Variants in AGTPBP1 observed in about 807,000 individuals in gnomAD.
AGTPBP1 encodes cytosolic carboxypeptidase 1.
In AGTPBP1, 70 loss-of-function variants were observed where a neutral mutation model predicts 143.9. The ratio of observed to expected loss-of-function variants is 0.49; its 90% CI spans 0.40 to 0.59. AGTPBP1 has a LOEUF of 0.59. Ranked by LOEUF, AGTPBP1 falls within the 20% of genes least tolerant of loss-of-function variation. The pLI, the probability that AGTPBP1 is intolerant of heterozygous loss-of-function variation, is 0.00. For synonymous variants in AGTPBP1, 463 were observed against 500.2 expected, an observed-to-expected ratio of 0.93 and a Z score of 0.99; for missense variants, 1,229 against 1,464.5, an observed-to-expected ratio of 0.84 and a Z score of 2.62.
chr9:85,615,153 A>C (rs1830535851), intron 17 of AGTPBP1, among the ~76,000 whole-genome samples: 1 of 152,160 alleles, frequency 6.6e-6, no homozygotes, highest in Non-Finnish European at 1.5e-5. Context: ...CACAGAAAAT[A>C]CCAAAATAAA....
rs188826131 is a variant in AGTPBP1 at position 85,716,884 on chromosome 9, C to T, written c.-33-4318G>A. Among the ~76,000 whole-genome samples, 210 of 152,318 alleles carry T rather than the reference C, an allele frequency of 1.4e-3. 3 individuals carry two copies. Among genetic ancestry groups the T allele is most frequent in the South Asian group, 3.7e-3 (18 of 4,828 alleles). On this transcript the variant is annotated intron_variant, in intron 1 of 25. Transcript: ENST00000357081. ...CCCCCAGTCCTTACCTCCCTGTCTTCATATCCTACCTACAACTTTTCTCAG... is the reference window on the plus strand; with the variant it reads ...CCCCCAGTCCTTACCTCCCTGTCTTTATATCCTACCTACAACTTTTCTCAG...
intron 2 of AGTPBP1, among the ~76,000 whole-genome samples, chr9:85,697,359 C>T (rs1836313440): frequency 6.8e-6 from 1 of 147,154 alleles, no homozygotes. Flanking sequence ...AATGCAAAAA[C>T]ATTATATGTT....
chr9:85,684,102 C>T (rs1358032107), intron 3 of AGTPBP1, among the ~76,000 whole-genome samples: 4 of 152,176 alleles, frequency 2.6e-5, no homozygotes, highest in Non-Finnish European at 5.9e-5. Flanking sequence ...GCTCCTTTCA[C>T]TTATCTTAGC....
At chr9:85,645,819 T>C (rs1832775328) in intron 12 of AGTPBP1, among the ~76,000 whole-genome samples, 1 of 152,208 alleles carries the variant, frequency 6.6e-6, no homozygotes, top group African/African-American at 2.4e-5. Context: ...CACCTTTACC[T>C]AACATCTTAT....
chr9:85,624,046 A>G (rs2133591004), intron 14 of AGTPBP1, among the ~76,000 whole-genome samples: 1 of 152,338 alleles, frequency 6.6e-6, no homozygotes, highest in South Asian at 2.1e-4. Context: ...CACATGTGAT[A>G]TGTGGCCACC....
rs185603331 is a variant in AGTPBP1 at position 85,679,987 on chromosome 9, G to A, written c.225+1281C>T. Among the ~76,000 whole-genome samples the A allele has an allele frequency of 4.6e-3, 707 of 152,260 alleles. 2 individuals are homozygous for A. The highest frequency in any genetic ancestry group is 0.013 in the Admixed American group (195 of 15,294). On this transcript the variant is annotated intron_variant, in intron 4 of 25. Coordinates refer to ENST00000357081, the MANE Select transcript of AGTPBP1 (RefSeq NM_001330701.2). ...TTTATTTGGGTGTGGAATGCAGGAA[G>A]TCATGATTCAATGTTACCTTTTTCC...
chr9:85,628,237 C>A (rs916900901), intron 14 of AGTPBP1, among the ~76,000 whole-genome samples: 4 of 152,104 alleles, frequency 2.6e-5, no homozygotes, highest in African/African-American at 9.7e-5. Flanking sequence ...AAATATGAAA[C>A]CTTCATCCTC....
chr9:85,777,413 G>C, the AGTPBP1 span, among the ~76,000 whole-genome samples: 1 of 152,174 alleles, frequency 6.6e-6, no homozygotes, highest in Non-Finnish European at 1.5e-5. Context: ...GTTGGTCTCT[G>C]CTGCTGGCAA....
intron 1 of AGTPBP1, among the ~76,000 whole-genome samples, chr9:85,735,300 T>C (rs972588862): frequency 6.6e-6 from 1 of 152,226 alleles, no homozygotes; most frequent in African/African-American, 2.4e-5. Flanking sequence ...TATGATTGAT[T>C]CCACTCATGT....
intron 11 of AGTPBP1, among the ~76,000 whole-genome samples, chr9:85,648,321 T>C (rs945757907): frequency 9.2e-5 from 14 of 152,306 alleles, no homozygotes; most frequent in African/African-American, 2.6e-4. Context: ...AGCAGTTTAG[T>C]CGACCCTAAC....
rs1004665090 is a variant in AGTPBP1 at position 85,678,545 on chromosome 9, C to T, written c.226-147G>A. ...TTCAGGTTTTCACTATTATCATTTC[C>T]GTCTGTTTCCTTCTGCCTTTAAGAA... is the stretch of plus-strand genomic sequence containing the variant. On this transcript the variant is annotated intron_variant, in intron 4 of 25. Coordinates refer to ENST00000357081, the MANE Select transcript of AGTPBP1 (RefSeq NM_001330701.2). 2.3e-5 allele frequency: 10 copies of T among 432,934 alleles called. 1 individual carries two copies. The highest frequency in any genetic ancestry group is 1.2e-4 in the South Asian group (2 of 17,014). The allele number at this position is 432,934 out of a possible 1,614,324, so 26.8% of individuals were successfully genotyped here.
the AGTPBP1 span, among the ~76,000 whole-genome samples, chr9:85,765,831 A>T: frequency 6.6e-6 from 1 of 152,250 alleles, no homozygotes; most frequent in East Asian, 1.9e-4. Flanking sequence ...AGCAAGGATA[A>T]CATTAGATTG....
At chr9:85,684,011 A>G (rs1835347244) in intron 3 of AGTPBP1, among the ~76,000 whole-genome samples, 2 of 151,230 alleles carry the variant, frequency 1.3e-5, no homozygotes, top group Admixed American at 6.6e-5. Flanking sequence ...CTCCTACATC[A>G]GAGTAAAAAT....
intron 17 of AGTPBP1, among the ~76,000 whole-genome samples, chr9:85,597,823 T>C (rs919259091): frequency 6.6e-6 from 1 of 152,142 alleles, no homozygotes; most frequent in Admixed American, 6.5e-5. Context: ...CGTTGAACTA[T>C]CTTTGCATTC....
At chr9:85,737,482 G>T (rs142190634) in intron 1 of AGTPBP1, among the ~76,000 whole-genome samples, 1 of 152,146 alleles carries the variant, frequency 6.6e-6, no homozygotes, top group African/African-American at 2.4e-5. Flanking sequence ...GCAAAAATCC[G>T]AATTCTGGAA....
chr9:85,693,569 G>A (rs979271896), intron 2 of AGTPBP1, among the ~76,000 whole-genome samples: 2 of 152,152 alleles, frequency 1.3e-5, no homozygotes, highest in Non-Finnish European at 2.9e-5. Context: ...TTGCACTCCA[G>A]CCTGGGCGAC....
chr9:85,757,558 G>T, the AGTPBP1 span, among the ~76,000 whole-genome samples: 1 of 152,182 alleles, frequency 6.6e-6, no homozygotes, highest in Non-Finnish European at 1.5e-5. Flanking sequence ...AGAAGATGCT[G>T]CATTGCAAGT....
intron 11 of AGTPBP1, among the ~76,000 whole-genome samples, chr9:85,651,818 T>A: frequency 6.6e-6 from 1 of 152,210 alleles, no homozygotes; most frequent in East Asian, 1.9e-4. Flanking sequence ...GCCAGCTCGA[T>A]TCATTTATTC....
chr9:85,781,395 C>T, the AGTPBP1 span: 8 of 1,490,610 alleles, frequency 5.4e-6, no homozygotes, highest in Admixed American at 2.6e-5. Flanking sequence ...TCACTCTTAA[C>T]ACTGTTTCTC....
Sources: allele counts gnomAD v4.1 joint callset (sites outside exome capture counted in the v4.1 genomes callset), GRCh38; gene constraint gnomAD v4.1.1; transcripts MANE v1.5; gene names NCBI Gene and HGNC (gene_info 2026-07-23, HGNC 2026-07-21).